The following CDH22 variants were observed in gnomAD, a reference collection of about 807,000 sequenced individuals.
CDH22 encodes the protein cadherin 22.
CDH22 carries 30 observed loss-of-function variants against 58.4 expected under a neutral mutation model. The observed-to-expected ratio is 0.51, with a 90% CI of 0.38 to 0.70. The LOEUF (loss-of-function observed/expected upper bound fraction) is 0.70. Ranked by LOEUF, CDH22 falls within the 30% of genes least tolerant of loss-of-function variation. The pLI, the probability that CDH22 is intolerant of heterozygous loss-of-function variation, is 0.00. For missense variants in CDH22, 1,014 were observed against 1,233.9 expected, an observed-to-expected ratio of 0.82 and a Z score of 2.67; for synonymous variants, 513 against 558.2, an observed-to-expected ratio of 0.92 and a Z score of 1.14.
At chr20:46,182,676 T>C (rs1394832315) in intron 10 of CDH22, among the ~76,000 whole-genome samples, 1 of 152,208 alleles carries the variant, frequency 6.6e-6, no homozygotes, top group African/African-American at 2.4e-5. Flanking sequence ...CCCGGTCCCC[T>C]ACCCCACCCT....
At chr20:46,207,705 C>T (rs1244613319) in intron 7 of CDH22, among the ~76,000 whole-genome samples, 1 of 152,222 alleles carries the variant, frequency 6.6e-6, no homozygotes, top group African/African-American at 2.4e-5. Flanking sequence ...TTTCCCGGCC[C>T]CCTGTAGCGA....
At chr20:46,177,093 G>T (rs2085746035) in intron 11 of CDH22, among the ~76,000 whole-genome samples, 1 of 152,212 alleles carries the variant, frequency 6.6e-6, no homozygotes, top group African/African-American at 2.4e-5. Flanking sequence ...ACCTGAGGAG[G>T]TACAGCCTGG....
intron 7 of CDH22, among the ~76,000 whole-genome samples, chr20:46,203,281 G>C (rs2085975198): frequency 7.0e-6 from 1 of 142,782 alleles, no homozygotes; most frequent in East Asian, 2.4e-4. Context: ...GGAGGGGTGG[G>C]AGGAAGCAGT....
intron 6 of CDH22, among the ~76,000 whole-genome samples, chr20:46,212,479 TG>T (rs2086050424): frequency 6.6e-6 from 1 of 152,162 alleles, no homozygotes; most frequent in Non-Finnish European, 1.5e-5. Context: ...TTCTGGTTCC[TG>T]GGCCAGCCAG....
intron 7 of CDH22, among the ~76,000 whole-genome samples, chr20:46,200,739 G>A (rs1229161280): frequency 1.3e-5 from 2 of 152,166 alleles, no homozygotes; most frequent in African/African-American, 2.4e-5. Flanking sequence ...GGTTCGAACC[G>A]GGAAGTGGGG....
At chr20:46,177,866 T>G (rs1481031900) in intron 11 of CDH22, 80 bp downstream of exon 11, 1 of 1,540,218 alleles carries the variant, frequency 6.5e-7, no homozygotes, top group African/African-American at 1.4e-5. Flanking sequence ...TGAGGCCCCA[T>G]GGGGGCTGGT....
intron 1 of CDH22, among the ~76,000 whole-genome samples, chr20:46,295,519 C>T (rs1299655534): frequency 3.3e-5 from 5 of 152,228 alleles, no homozygotes; most frequent in African/African-American, 4.8e-5. Context: ...AACGCAGCTA[C>T]TGTGATTATC....
chr20:46,179,126 C>A (rs1404167390), intron 10 of CDH22, among the ~76,000 whole-genome samples: 1 of 152,224 alleles, frequency 6.6e-6, no homozygotes, highest in African/African-American at 2.4e-5. Flanking sequence ...AGGAGTCAGG[C>A]CACCTGACCC....
At chr20:46,254,478 C>G (rs780814698) in intron 1 of CDH22, among the ~76,000 whole-genome samples, 6 of 149,998 alleles carry the variant, frequency 4.0e-5, no homozygotes, top group Non-Finnish European at 5.9e-5. Context: ...TCACTTGAAC[C>G]TGGGAGGTGG....
chr20:46,283,571 G>A (rs2086560601), intron 1 of CDH22, among the ~76,000 whole-genome samples: 1 of 152,136 alleles, frequency 6.6e-6, no homozygotes, highest in South Asian at 2.1e-4. Context: ...CAGTCACAGA[G>A]ACTTCCCCAT....
intron 5 of CDH22, among the ~76,000 whole-genome samples, chr20:46,215,140 A>G (rs2086075170): frequency 6.6e-6 from 1 of 152,226 alleles, no homozygotes; most frequent in African/African-American, 2.4e-5. Context: ...AGTACATCCC[A>G]TGACCCAGCA....
chr20:46,285,607 C>T (rs992420434), intron 1 of CDH22, among the ~76,000 whole-genome samples: 2 of 152,162 alleles, frequency 1.3e-5, no homozygotes, highest in African/African-American at 4.8e-5. Context: ...AACTGCCCTG[C>T]GGTCATCTGA....
intron 4 of CDH22, among the ~76,000 whole-genome samples, chr20:46,223,651 CTT>C (rs1384268217): frequency 7.6e-5 from 11 of 145,470 alleles, no homozygotes; most frequent in Non-Finnish European, 1.1e-4. Flanking sequence ...CTTTCTTTCT[CTT>C]TCTTTTTCTT....
At chr20:46,287,951 G>A (rs1035036795) in intron 1 of CDH22, among the ~76,000 whole-genome samples, 1 of 152,090 alleles carries the variant, frequency 6.6e-6, no homozygotes, top group Non-Finnish European at 1.5e-5. Flanking sequence ...TATTTCTAGA[G>A]ACATACGGAA....
At chr20:46,209,333 A>G (rs2086023258) in intron 7 of CDH22, among the ~76,000 whole-genome samples, 1 of 152,108 alleles carries the variant, frequency 6.6e-6, no homozygotes, top group Non-Finnish European at 1.5e-5. Context: ...CAAGGCTGTG[A>G]GGGGGCCAGT....
chr20:46,196,292 T>C (rs1209791495), intron 8 of CDH22, among the ~76,000 whole-genome samples: 1 of 152,042 alleles, frequency 6.6e-6, no homozygotes, highest in African/African-American at 2.4e-5. Context: ...CTTTTTTTTT[T>C]TGAGACAGAG....
At chr20:46,220,071 A>G (rs992698071) in intron 4 of CDH22, among the ~76,000 whole-genome samples, 1 of 151,752 alleles carries the variant, frequency 6.6e-6, no homozygotes, top group African/African-American at 2.4e-5. Context: ...ACAGGGAGAA[A>G]CCTAGTGAGA....
intron 1 of CDH22, among the ~76,000 whole-genome samples, chr20:46,253,616 G>A (rs1254535371): frequency 2.6e-5 from 4 of 152,164 alleles, no homozygotes; most frequent in Non-Finnish European, 4.4e-5. Flanking sequence ...CCAGGGATCC[G>A]GCTTTGATTC....
chr20:46,289,579 G>A (rs6094272), intron 1 of CDH22, among the ~76,000 whole-genome samples: 91,158 of 152,086 alleles, frequency 0.6, 27,945 homozygotes, highest in South Asian at 0.72. Flanking sequence ...CACTGGATCC[G>A]ATTCTCCACT....
Sources: gnomAD v4.1 joint callset for allele counts (sites outside exome capture counted in the v4.1 genomes callset) on GRCh38, gnomAD v4.1.1 for gene constraint, MANE v1.5 for transcripts, NCBI Gene and HGNC (gene_info 2026-07-23, HGNC 2026-07-21) for gene names.